The following INTS6 variants were observed in gnomAD, a reference collection of about 807,000 sequenced individuals.
INTS6 encodes the protein integrator complex subunit 6, also known as DEAD box protein.
INTS6 carries 16 observed loss-of-function variants against 104.9 expected under a neutral mutation model. That is an observed-to-expected ratio of 0.15 (90% CI 0.10 to 0.23). INTS6 has a LOEUF of 0.23. INTS6 is among the 10% of genes least tolerant of loss of function. The pLI is 1.00. For missense variants in INTS6, 584 were observed against 1,062.8 expected (o/e 0.55, Z 6.26); for synonymous variants, 324 against 358.7 (o/e 0.90, Z 1.09).
chr13:51,393,551 T>A (rs911033576), intron 5 of INTS6, among the ~76,000 whole-genome samples: 2 of 152,290 alleles, frequency 1.3e-5, no homozygotes, highest in South Asian at 4.1e-4. Flanking sequence ...TATTCAGAGA[T>A]ATGAAAAGAT....
chr13:51,372,027 C>A (rs184322215), intron 15 of INTS6, among the ~76,000 whole-genome samples: 60 of 152,264 alleles, frequency 3.9e-4, no homozygotes, highest in African/African-American at 1.4e-3. Context: ...GTTCCACCAC[C>A]AGCACTGAAA....
intron 3 of INTS6, chr13:51,443,135 A>C (rs951752319): frequency 4.6e-5 from 7 of 152,326 alleles, no homozygotes; most frequent in African/African-American, 1.7e-4. Flanking sequence ...TCCTTAATAA[A>C]ATCTCCATAA....
intron 5 of INTS6, among the ~76,000 whole-genome samples, chr13:51,390,073 A>C (rs1956216785): frequency 6.6e-6 from 1 of 152,082 alleles, no homozygotes; most frequent in South Asian, 2.1e-4. Context: ...GTTTTAACTT[A>C]TACTACTTTT....
intron 3 of INTS6, among the ~76,000 whole-genome samples, chr13:51,436,217 T>A (rs760901721): frequency 4.3e-4 from 65 of 152,036 alleles, no homozygotes; most frequent in Non-Finnish European, 6.6e-4. Context: ...TACTTCAACT[T>A]TTTTTTAACC....
intron 4 of INTS6, among the ~76,000 whole-genome samples, chr13:51,398,315 A>T (rs1350999223): frequency 1.3e-5 from 2 of 152,168 alleles, no homozygotes; most frequent in African/African-American, 4.8e-5. Context: ...AATCAAGGAA[A>T]ATTGCACATA....
At chr13:51,395,570 G>A (rs1956320303) in intron 4 of INTS6, 87 bp from the exon 5 acceptor site, 6 of 1,127,584 alleles carry the variant, frequency 5.3e-6, no homozygotes, top group Non-Finnish European at 6.2e-6. Flanking sequence ...CGTTAGAACT[G>A]CATCAACTCT....
intron 4 of INTS6, among the ~76,000 whole-genome samples, chr13:51,405,068 C>T (rs1275903690): frequency 6.6e-6 from 1 of 152,110 alleles, no homozygotes; most frequent in Non-Finnish European, 1.5e-5. Flanking sequence ...GAGGAAGTAG[C>T]ATCTGAGCAA....
rs1566218195 is a variant in INTS6 at position 51,389,353 on chromosome 13, A to G, written c.705T>C (p.Phe235=). The G allele has an allele frequency of 6.2e-7, 1 of 1,613,738 alleles. No individual in the cohort carries two copies. The highest frequency in any genetic ancestry group is 1.1e-5 in the South Asian group (1 of 91,054). ...QKVQSGVVIN[F]EKAGPDPSPV... The stretch of plus-strand genomic sequence containing the variant: ...GGGAAGGATCTGGTCCTGCTTTTTC[A>G]AAGTTTATTACCACCCCACTTTGTA... Residue 235 remains phenylalanine, a synonymous_variant, in exon 6 of 18, where the codon TTT becomes TTC. Coordinates refer to ENST00000311234, the MANE Select transcript of INTS6 (RefSeq NM_012141.3).
At chr13:51,358,414 C>T (rs192592838), downstream of INTS6, among the ~76,000 whole-genome samples, 11 of 152,178 alleles carry the variant, frequency 7.2e-5, no homozygotes, top group African/African-American at 2.6e-4. Context: ...TTGAGTATGA[C>T]CAGCCATACA....
At chr13:51,399,384 T>A (rs949146823) in intron 4 of INTS6, among the ~76,000 whole-genome samples, 1 of 152,150 alleles carries the variant, frequency 6.6e-6, no homozygotes, top group Non-Finnish European at 1.5e-5. Flanking sequence ...CTTTTTAATA[T>A]TTTGTAGAGA....
chr13:51,383,900 G>A (rs927464557), intron 7 of INTS6, 159 bp from the exon 8 acceptor site: 14 of 485,610 alleles, frequency 2.9e-5, no homozygotes, highest in Non-Finnish European at 3.9e-5. Context: ...ACTTGAAAAT[G>A]TAATGCTAAA....
At chr13:51,446,306 T>C (rs201032393) in intron 3 of INTS6, 2 of 152,188 alleles carry the variant, frequency 1.3e-5, no homozygotes, top group East Asian at 3.8e-4. Context: ...CGTATGTTGA[T>C]GCTTAACATA....
intron 4 of INTS6, among the ~76,000 whole-genome samples, chr13:51,418,719 CAGAG>C (rs910255733): frequency 2.1e-4 from 32 of 152,068 alleles, no homozygotes; most frequent in Non-Finnish European, 2.9e-5. Context: ...AATATTTGTT[CAGAG>C]GAAAGAGCAA....
In INTS6 at chr13:51,451,107, G is replaced by C; in HGVS notation, c.257C>G (p.Thr86Arg). ...ELKNLQAEGL[T>R]TLGQSLRTAF... ...TGTCCTTAGGGATTGGCCAAGAGTCGTAAGTCCTTCAGCCTGAAGGTTTTT... is the reference window on the plus strand; with the variant it reads ...TGTCCTTAGGGATTGGCCAAGAGTCCTAAGTCCTTCAGCCTGAAGGTTTTT... Residue 86 changes from threonine to arginine, a missense_variant, in exon 3 of 18, where the codon ACG (threonine) becomes AGG (arginine). Transcript: ENST00000311234. The C allele has an allele frequency of 6.3e-7, 1 of 1,586,454 alleles. No individual in the cohort carries two copies. Among genetic ancestry groups the C allele is most frequent in the Non-Finnish European group, 8.6e-7 (1 of 1,167,776 alleles).
chr13:51,402,696 G>A (rs1322853928), intron 4 of INTS6: 2 of 152,112 alleles, frequency 1.3e-5, no homozygotes, highest in African/African-American at 4.8e-5. Context: ...TGGGAAGACT[G>A]TCCTATTTTT....
At chr13:51,438,973 T>C (rs1355351921) in intron 3 of INTS6, 2 of 152,212 alleles carry the variant, frequency 1.3e-5, no homozygotes, top group Non-Finnish European at 2.9e-5. Flanking sequence ...TTCAGAATAA[T>C]TCTGTTATTA....
intron 3 of INTS6, chr13:51,450,550 C>T: frequency 1.0e-6 from 1 of 985,452 alleles, no homozygotes; most frequent in Non-Finnish European, 1.2e-6. Flanking sequence ...GACTGTACTC[C>T]AGTGAAAAAC....
chr13:51,444,900 A>G (rs924546644), intron 3 of INTS6: 7 of 151,922 alleles, frequency 4.6e-5, no homozygotes, highest in Non-Finnish European at 8.8e-5. Context: ...AATGTTTTAA[A>G]AGAAAATAAA....
chr13:51,337,429 A>C, the INTS6 span, among the ~76,000 whole-genome samples: 69 of 152,344 alleles, frequency 4.5e-4, no homozygotes, highest in Non-Finnish European at 9.3e-4. Context: ...TCACCACAGC[A>C]TTCCTGGTAA....
Sources: gnomAD v4.1 joint callset for allele counts (sites outside exome capture counted in the v4.1 genomes callset) on GRCh38, gnomAD v4.1.1 for gene constraint, MANE v1.5 for transcripts, NCBI Gene and HGNC (gene_info 2026-07-23, HGNC 2026-07-21) for gene names.